Variants in MAP7 observed in about 807,000 individuals in gnomAD.
MAP7 encodes the protein ensconsin.
In MAP7, 52 loss-of-function variants were observed where a neutral mutation model predicts 94.8. The observed-to-expected ratio is 0.55, with a 90% CI of 0.44 to 0.69. MAP7 has a LOEUF of 0.69. Among genes scored for constraint, MAP7 ranks in the 30% least tolerant of loss-of-function variants. MAP7 has a pLI of 0.00. For synonymous variants in MAP7, 350 were observed against 357.0 expected (o/e 0.98, Z 0.22); for missense variants, 940 against 964.6 (o/e 0.97, Z 0.34).
intron 2 of MAP7, 101 bp downstream of exon 2, chr6:136,421,600 A>T: frequency 8.6e-7 from 1 of 1,163,606 alleles, no homozygotes; most frequent in East Asian, 2.4e-5. Context: ...AGTTTTCTGG[A>T]AACTAGAATT....
intron 1 of MAP7, among the ~76,000 whole-genome samples, chr6:136,472,775 C>T (rs1426413530): frequency 6.6e-6 from 1 of 152,112 alleles, no homozygotes; most frequent in Non-Finnish European, 1.5e-5. Flanking sequence ...AGCATTACCA[C>T]TTTGCTTCCA....
At chr6:136,397,743 T>C (rs1582791405) in intron 3 of MAP7, among the ~76,000 whole-genome samples, 1 of 152,088 alleles carries the variant, frequency 6.6e-6, no homozygotes, top group African/African-American at 2.4e-5. Context: ...TGTGAGAAAA[T>C]AAATTTCTGT....
intron 1 of MAP7, among the ~76,000 whole-genome samples, chr6:136,450,065 T>C (rs1322473768): frequency 6.6e-6 from 1 of 152,162 alleles, no homozygotes; most frequent in Non-Finnish European, 1.5e-5. Flanking sequence ...GGTGCATGCC[T>C]GTAATCCCAG....
In MAP7 at chr6:136,345,952, G is replaced by C. The variant is rs1392964557; in HGVS notation, c.2143C>G (p.Pro715Ala). The change falls in exon 17 of 18, where the codon CCA becomes GCA. Residue 715 changes from proline (P) to alanine (A), a missense_variant. Coordinates refer to ENST00000354570, the MANE Select transcript of MAP7 (RefSeq NM_003980.6). ...SRLDVTNSES[P>A]EIPLNPILAF... ...AAAATTGGATTCAAAGGAATTTCTG[G>C]GCTCTCACTGTTGGTGACATCTAAT... 2 of 1,614,000 alleles carry C rather than the reference G, an allele frequency of 1.2e-6. No homozygotes were observed. Among genetic ancestry groups the C allele is most frequent in the African/African-American group, 2.7e-5 (2 of 75,004 alleles).
chr6:136,396,937 T>C (rs1782652892), intron 3 of MAP7, among the ~76,000 whole-genome samples: 1 of 152,244 alleles, frequency 6.6e-6, no homozygotes, highest in Non-Finnish European at 1.5e-5. Flanking sequence ...GGTTGTGCTA[T>C]AAATCACAGT....
At chr6:136,355,300 CATAAT>C (rs1790574381) in intron 16 of MAP7, among the ~76,000 whole-genome samples, 3 of 149,932 alleles carry the variant, frequency 2.0e-5, no homozygotes, top group Non-Finnish European at 3.0e-5. Flanking sequence ...ATGAATTGAA[CATAAT>C]AAGTTTTAGG....
rs1455880210 is a variant in MAP7, at chr6:136,365,913, G to C, written c.1095C>G (p.Ser365=). ...KAAPAQVRPP[S]PGNIRPVKRE... The stretch of plus-strand genomic sequence containing the variant: ...TCTTGACAGGGCGGATGTTGCCGGG[G>C]GATGGGGGCCGGACCTGAGCAGGAG... The change falls in exon 10 of 18, where the codon TCC becomes TCG. Residue 365 remains serine, a synonymous_variant. Coordinates refer to ENST00000354570, the MANE Select transcript of MAP7 (RefSeq NM_003980.6). 6.2e-7 allele frequency: 1 copy of C among 1,614,040 alleles called. No homozygotes were observed. The highest frequency in any genetic ancestry group is 1.3e-5 in the African/African-American group (1 of 74,910).
chr6:136,370,151 G>A (rs1211228167), intron 8 of MAP7, among the ~76,000 whole-genome samples: 2 of 152,154 alleles, frequency 1.3e-5, no homozygotes, highest in Non-Finnish European at 2.9e-5. Flanking sequence ...CACATGAAAA[G>A]CCAACAAGCA....
At chr6:136,362,823 T>C in intron 10 of MAP7, 121 bp from the exon 11 acceptor site, 1 of 1,426,322 alleles carries the variant, frequency 7.0e-7, no homozygotes. Flanking sequence ...AGGGAATGTT[T>C]ATTACTGTGT....
At chr6:136,457,971 G>C (rs932786286) in intron 1 of MAP7, among the ~76,000 whole-genome samples, 3 of 151,940 alleles carry the variant, frequency 2.0e-5, no homozygotes, top group Non-Finnish European at 4.4e-5. Flanking sequence ...AAAGAAATAA[G>C]CACTGAAAAG....
intron 15 of MAP7, among the ~76,000 whole-genome samples, chr6:136,357,305 C>T (rs1398351406): frequency 6.6e-6 from 1 of 152,124 alleles, no homozygotes; most frequent in Non-Finnish European, 1.5e-5. Context: ...CTCACCATTC[C>T]ACCTCATTAT....
intron 1 of MAP7, among the ~76,000 whole-genome samples, chr6:136,549,081 G>A (rs1372194428): frequency 1.3e-5 from 2 of 152,214 alleles, no homozygotes; most frequent in Non-Finnish European, 2.9e-5. Context: ...CTTGGCTGAA[G>A]GGATTAAATC....
intron 3 of MAP7, among the ~76,000 whole-genome samples, chr6:136,391,479 C>G (rs919557899): frequency 4.7e-5 from 7 of 149,524 alleles, no homozygotes; most frequent in African/African-American, 1.7e-4. Flanking sequence ...TGCAGCGCAC[C>G]AGCATGGCAC....
intron 1 of MAP7, among the ~76,000 whole-genome samples, chr6:136,454,247 C>T (rs1263453563): frequency 6.6e-6 from 1 of 151,652 alleles, no homozygotes; most frequent in Non-Finnish European, 1.5e-5. Context: ...TTTAAATGCT[C>T]ATGAAGACTT....
chr6:136,454,053 C>A (rs1801993246), intron 1 of MAP7, among the ~76,000 whole-genome samples: 2 of 152,040 alleles, frequency 1.3e-5, no homozygotes, highest in Admixed American at 1.3e-4. Flanking sequence ...ACATTTCAAC[C>A]ACTTGGTACC....
chr6:136,434,370 A>AAATAT (rs1362673515), intron 1 of MAP7, among the ~76,000 whole-genome samples: 4 of 152,046 alleles, frequency 2.6e-5, no homozygotes, highest in African/African-American at 7.2e-5. Flanking sequence ...TGTGATCTGA[A>AAATAT]AATATAATTG....
intron 1 of MAP7, among the ~76,000 whole-genome samples, chr6:136,534,276 G>A (rs1317041397): frequency 6.6e-6 from 1 of 152,192 alleles, no homozygotes; most frequent in Admixed American, 6.5e-5. Flanking sequence ...AGGCTGGCAG[G>A]CTCGAAACTC....
chr6:136,501,024 G>A (rs987353760), intron 1 of MAP7, among the ~76,000 whole-genome samples: 3 of 152,120 alleles, frequency 2.0e-5, no homozygotes, highest in African/African-American at 7.2e-5. Flanking sequence ...TACCCTCATT[G>A]CAATGTAAAT....
Position 136,531,018 on chromosome 6 carries a change from C to T in MAP7, c.67+19324G>A, listed in dbSNP as rs566703459. 4.8e-5 allele frequency among the ~76,000 whole-genome samples: 7 copies of T among 144,866 alleles called. No homozygotes were observed. The South Asian group carries it at 1.3e-3, about 26-fold the overall frequency. Reference sequence around the variant, plus strand: ...TTTATACAAATGTAAGGTGTGGATACTAAGCTTTAAAACCCTTTCCTAAAT... The same window carrying T: ...TTTATACAAATGTAAGGTGTGGATATTAAGCTTTAAAACCCTTTCCTAAAT... On this transcript the variant is annotated intron_variant, in intron 1 of 17. Coordinates refer to ENST00000354570, the MANE Select transcript of MAP7 (RefSeq NM_003980.6).
Sources: allele counts gnomAD v4.1 joint callset (sites outside exome capture counted in the v4.1 genomes callset), GRCh38; gene constraint gnomAD v4.1.1; transcripts MANE v1.5; gene names NCBI Gene and HGNC (gene_info 2026-07-23, HGNC 2026-07-21).